Variants in FAM240B observed in about 807,000 individuals in gnomAD.
The protein encoded by FAM240B is protein FAM240B.
chr9:38,712,896 C>G (rs568432300), intron 1 of FAM240B, among the ~76,000 whole-genome samples: 2 of 152,256 alleles, frequency 1.3e-5, no homozygotes, highest in South Asian at 4.2e-4. Context: ...CTTCACCCCC[C>G]ACAGTTTGAG....
chr9:38,694,833 C>A lies in FAM240B; in HGVS notation c.180G>T (p.Arg60Ser), dbSNP rs189215256. The A allele has an allele frequency of 5.8e-5, 23 of 398,842 alleles. No homozygotes were observed. The East Asian group carries it at 7.8e-4, about 14-fold the overall frequency. The allele number at this position is 398,842 out of a possible 1,614,324, so 24.7% of individuals were successfully genotyped here. A position where few individuals can be genotyped will look rare whatever the true frequency, so the allele number is the denominator to read the frequency against. The change falls in exon 3 of 3, where the codon AGG (arginine) becomes AGT (serine). Residue 60 changes from arginine (R) to serine (S), a missense_variant. By Grantham distance (110) the Arg-to-Ser change is moderately radical. Transcript: ENST00000637493. ...CAACAGGGTTGTCCAGCATCCTCAG[C>A]CTCCTCTCCAGCCTCTGCCTCCATT... ...REEWRQRLER[R>S]LRMLDNPVEK... is the part of the protein sequence containing the mutation.
chr9:38,707,654 C>T (rs1333515524), intron 1 of FAM240B, among the ~76,000 whole-genome samples: 2 of 150,552 alleles, frequency 1.3e-5, no homozygotes, highest in African/African-American at 4.9e-5. Flanking sequence ...ATTAGCTGGG[C>T]GTGGTGGCAC....
At chr9:38,717,469 C>G (rs1225507800) in intron 1 of FAM240B, among the ~76,000 whole-genome samples, 1 of 151,834 alleles carries the variant, frequency 6.6e-6, no homozygotes, top group African/African-American at 2.4e-5. Context: ...GTGGTCTCAC[C>G]CTAAAAAGGT....
At chr9:38,705,051 C>T (rs1019889150) in intron 1 of FAM240B, among the ~76,000 whole-genome samples, 25 of 152,190 alleles carry the variant, frequency 1.6e-4, no homozygotes, top group African/African-American at 4.8e-4. Flanking sequence ...TTGCTTTTTA[C>T]CTTAACGTGG....
chr9:38,717,440 A>G (rs1821319327), intron 1 of FAM240B, among the ~76,000 whole-genome samples: 1 of 151,910 alleles, frequency 6.6e-6, no homozygotes, highest in African/African-American at 2.4e-5. Context: ...GAGTATAGCG[A>G]GAGACTCTGA....
rs971812806 is a variant in FAM240B at position 38,694,865 on chromosome 9, T to C, written c.148A>G (p.Arg50Gly). Residue 50 changes from arginine to glycine, a missense_variant, in exon 3 of 3, where the codon AGA (arginine) becomes GGA (glycine). By Grantham distance (125) the Arg-to-Gly change is moderately radical. Transcript: ENST00000637493. Reference sequence around the variant, plus strand: ...TCCAGCCTCTGCCTCCATTCTTCTCTGAGTCTGCGGAGGGGAAACCGTGCA... The same window carrying C: ...TCCAGCCTCTGCCTCCATTCTTCTCCGAGTCTGCGGAGGGGAAACCGTGCA... The part of the protein sequence containing the change: ...RQERSALKKL[R>G]EEWRQRLERR... 6 of 398,540 alleles carry C rather than the reference T, an allele frequency of 1.5e-5. No homozygotes were observed. Among genetic ancestry groups the C allele is most frequent in the African/African-American group, 1.0e-4 (5 of 48,516 alleles). 24.7% of individuals were successfully genotyped at this position (398,540 alleles called of 1,614,324 possible).
chr9:38,705,876 G>A (rs1292968618), intron 1 of FAM240B, among the ~76,000 whole-genome samples: 1 of 152,014 alleles, frequency 6.6e-6, no homozygotes, highest in Non-Finnish European at 1.5e-5. Flanking sequence ...CCAATCACCT[G>A]CTTATTTCTG....
chr9:38,704,362 A>G (rs1218905618), intron 1 of FAM240B, among the ~76,000 whole-genome samples: 1 of 152,222 alleles, frequency 6.6e-6, no homozygotes, highest in Non-Finnish European at 1.5e-5. Context: ...AATGTTCATG[A>G]ACAGAGAAAT....
chr9:38,698,131 C>G (rs920637642), intron 2 of FAM240B, among the ~76,000 whole-genome samples: 2 of 152,198 alleles, frequency 1.3e-5, no homozygotes, highest in Middle Eastern at 3.4e-3. Context: ...CTTTTATGAC[C>G]CTTGGTCTCG....
chr9:38,699,799 G>A (rs1466840494), intron 2 of FAM240B, among the ~76,000 whole-genome samples: 2 of 152,224 alleles, frequency 1.3e-5, no homozygotes, highest in Non-Finnish European at 1.5e-5. Context: ...GTAAAGAAGA[G>A]CAATCGAATA....
intron 1 of FAM240B, among the ~76,000 whole-genome samples, chr9:38,711,066 G>A (rs1011087568): frequency 6.6e-6 from 1 of 152,082 alleles, no homozygotes; most frequent in Admixed American, 6.5e-5. Context: ...TGAGAGCAAT[G>A]TGCAAGTCAT....
At chr9:38,719,445 A>C (rs535283030) in intron 1 of FAM240B, among the ~76,000 whole-genome samples, 35 of 152,320 alleles carry the variant, frequency 2.3e-4, no homozygotes, top group African/African-American at 8.2e-4. Flanking sequence ...TTAATCAAAT[A>C]ACATTTATTG....
chr9:38,703,384 C>G (rs915974357), intron 2 of FAM240B, among the ~76,000 whole-genome samples: 1 of 152,196 alleles, frequency 6.6e-6, no homozygotes, highest in Non-Finnish European at 1.5e-5. Flanking sequence ...CCACTATTTC[C>G]CCTGCACTTG....
chr9:38,704,088 G>A (rs966665452), intron 1 of FAM240B, 86 bp from the exon 2 acceptor site: 2 of 373,436 alleles, frequency 5.4e-6, no homozygotes, highest in African/African-American at 4.3e-5. Flanking sequence ...CTTGCATGTA[G>A]ACACTGCCAT....
chr9:38,706,942 T>C (rs1166871517), intron 1 of FAM240B, among the ~76,000 whole-genome samples: 2 of 152,208 alleles, frequency 1.3e-5, no homozygotes, highest in African/African-American at 4.8e-5. Flanking sequence ...TTAGGTTTCC[T>C]GTGGGTTTTG....
intron 1 of FAM240B, among the ~76,000 whole-genome samples, chr9:38,709,548 T>C (rs912817688): frequency 6.6e-6 from 1 of 152,154 alleles, no homozygotes; most frequent in African/African-American, 2.4e-5. Context: ...CATATGCATA[T>C]GGTGGTGCCC....
chr9:38,704,318 A>G (rs79785930), intron 1 of FAM240B, among the ~76,000 whole-genome samples: 10 of 152,292 alleles, frequency 6.6e-5, no homozygotes, highest in Non-Finnish European at 1.5e-4. Context: ...CTATTTGACA[A>G]TTTTGTAAAT....
intron 1 of FAM240B, among the ~76,000 whole-genome samples, chr9:38,709,291 T>TA (rs1250680816): frequency 3.3e-5 from 5 of 152,214 alleles, no homozygotes; most frequent in Admixed American, 6.5e-5. Flanking sequence ...CTTCCACTTT[T>TA]AAAAAACTTG....
intron 2 of FAM240B, among the ~76,000 whole-genome samples, chr9:38,700,754 C>A (rs910391165): frequency 6.6e-6 from 1 of 152,228 alleles, no homozygotes; most frequent in South Asian, 2.1e-4. Context: ...TTTTCTCTAT[C>A]CAGACTCAGA....
Sources: gnomAD v4.1 joint callset for allele counts (sites outside exome capture counted in the v4.1 genomes callset) on GRCh38, gnomAD v4.1.1 for gene constraint, MANE v1.5 for transcripts, NCBI Gene and HGNC (gene_info 2026-07-23, HGNC 2026-07-21) for gene names.